RHOJ: variants seen among roughly 807,000 people sequenced by gnomAD.
RHOJ encodes the protein rho-related GTP-binding protein RhoJ.
A neutral mutation model predicts 23.4 loss-of-function variants in RHOJ; 11 were observed. The observed-to-expected ratio is 0.47, with a 90% CI of 0.30 to 0.78. The LOEUF is 0.78. Ranked by LOEUF, RHOJ falls within the 30% of genes least tolerant of loss-of-function variation. The probability of loss-of-function intolerance (pLI) is 0.08; values close to 1 mark genes in which losing one functional copy is unlikely to be tolerated. For synonymous variants in RHOJ, 102 were observed against 102.7 expected, an observed-to-expected ratio of 0.99 and a Z score of 0.04; for missense variants, 254 against 273.4, an observed-to-expected ratio of 0.93 and a Z score of 0.50.
At chr14:63,284,231 C>T (rs1325433305) in intron 4 of RHOJ, 1 of 985,166 alleles carries the variant, frequency 1.0e-6, no homozygotes, top group African/African-American at 1.7e-5. Context: ...GCATGATACA[C>T]TCAACTAGAA....
chr14:63,288,564 A>G (rs1211588791), intron 4 of RHOJ, among the ~76,000 whole-genome samples: 1 of 152,246 alleles, frequency 6.6e-6, no homozygotes, highest in Non-Finnish European at 1.5e-5. Flanking sequence ...CCAAAATGCA[A>G]TAGAAGGCAT....
chr14:63,219,939 G>A (rs776063907), intron 1 of RHOJ, among the ~76,000 whole-genome samples: 1 of 152,090 alleles, frequency 6.6e-6, no homozygotes, highest in African/African-American at 2.4e-5. Flanking sequence ...TTAACGAGCA[G>A]CTCCTGATAA....
At chr14:63,287,154 C>T (rs1052282888) in intron 4 of RHOJ, among the ~76,000 whole-genome samples, 2 of 152,214 alleles carry the variant, frequency 1.3e-5, no homozygotes, top group African/African-American at 4.8e-5. Flanking sequence ...TCCGTAACAG[C>T]TTTGCCCATT....
intron 1 of RHOJ, among the ~76,000 whole-genome samples, chr14:63,265,361 A>G (rs556511275): frequency 6.6e-6 from 1 of 152,130 alleles, no homozygotes; most frequent in East Asian, 1.9e-4. Context: ...TGGGTTCTCT[A>G]TTTTGTTCCA....
At chr14:63,240,410 G>C (rs888136971) in intron 1 of RHOJ, among the ~76,000 whole-genome samples, 5 of 152,090 alleles carry the variant, frequency 3.3e-5, no homozygotes, top group African/African-American at 1.2e-4. Flanking sequence ...CATTTCTTTA[G>C]GAATTATAGC....
In RHOJ at chr14:63,204,575, C is replaced by T; in HGVS notation, c.-295C>T. 2.4e-6 allele frequency: 1 copy of T among 420,504 alleles called. No homozygotes were observed. Among genetic ancestry groups the T allele is most frequent in the Non-Finnish European group, 4.3e-6 (1 of 233,296 alleles). The allele number at this position is 420,504 out of a possible 1,614,324, so 26.0% of individuals were successfully genotyped here. ...TAAAACCCTCAGGCTGCTGAAATTT[C>T]TAGGCTGTTAGGAAGCCCCTCGAAT... On this transcript the variant is annotated 5_prime_UTR_variant, in exon 1 of 5. Coordinates refer to ENST00000316754, the MANE Select transcript of RHOJ (RefSeq NM_020663.5).
At chr14:63,241,251 G>GACC (rs1482556462) in intron 1 of RHOJ, among the ~76,000 whole-genome samples, 17 of 152,162 alleles carry the variant, frequency 1.1e-4, no homozygotes, top group Admixed American at 1.0e-3. Context: ...CATCCTAAAT[G>GACC]TATTGACCAT....
chr14:63,247,048 C>G (rs1347223076), intron 1 of RHOJ, among the ~76,000 whole-genome samples: 1 of 152,136 alleles, frequency 6.6e-6, no homozygotes, highest in Non-Finnish European at 1.5e-5. Flanking sequence ...GGATTCAGAA[C>G]AAGTCTGGAA....
At chr14:63,206,485 T>G (rs1391075971) in intron 1 of RHOJ, among the ~76,000 whole-genome samples, 1 of 152,204 alleles carries the variant, frequency 6.6e-6, no homozygotes, top group Non-Finnish European at 1.5e-5. Context: ...TAGCAAAAGT[T>G]ATTTACTCTA....
intron 1 of RHOJ, among the ~76,000 whole-genome samples, chr14:63,213,721 G>T (rs1299610733): frequency 6.6e-6 from 1 of 152,176 alleles, no homozygotes; most frequent in Non-Finnish European, 1.5e-5. Flanking sequence ...CTTCAGGTTG[G>T]TGAGATAGTT....
chr14:63,252,520 C>T (rs1895090305), intron 1 of RHOJ, among the ~76,000 whole-genome samples: 1 of 152,140 alleles, frequency 6.6e-6, no homozygotes, highest in African/African-American at 2.4e-5. Context: ...GAAAAAGTAG[C>T]CCAGGGATAT....
At chr14:63,259,624 A>T (rs1167632289) in intron 1 of RHOJ, among the ~76,000 whole-genome samples, 1 of 152,242 alleles carries the variant, frequency 6.6e-6, no homozygotes, top group Non-Finnish European at 1.5e-5. Context: ...TAACAGTGAA[A>T]GATGGTCTTG....
rs527471223 is a variant in RHOJ at position 63,243,391 on chromosome 14, G to A, written c.179-25719G>A. Among the ~76,000 whole-genome samples the A allele has an allele frequency of 1.5e-4, 23 of 152,304 alleles. 1 individual carries two copies. Among genetic ancestry groups the A allele is most frequent in the African/African-American group, 5.1e-4 (21 of 41,568 alleles). ...CTCTTGCTCTGTCACCCAGGCTGGA[G>A]TACAGTGGCGTGATCTCAGCTCACT... On this transcript the variant is annotated intron_variant, in intron 1 of 4. Transcript: ENST00000316754.
chr14:63,207,268 G>T (rs1894133312), intron 1 of RHOJ, among the ~76,000 whole-genome samples: 1 of 152,044 alleles, frequency 6.6e-6, no homozygotes, highest in Non-Finnish European at 1.5e-5. Context: ...CTTACCTCGT[G>T]TTCTGCCTGC....
chr14:63,270,365 C>T (rs1174878455), intron 2 of RHOJ, among the ~76,000 whole-genome samples: 3 of 152,118 alleles, frequency 2.0e-5, no homozygotes, highest in Non-Finnish European at 4.4e-5. Context: ...GAAAATCTAG[C>T]ACCAGACTCA....
intron 1 of RHOJ, among the ~76,000 whole-genome samples, chr14:63,221,258 A>G (rs1479989102): frequency 6.6e-6 from 1 of 152,146 alleles, no homozygotes. Flanking sequence ...TGACCCCAGG[A>G]GATCGAGGCT....
chr14:63,277,046 G>C (rs564354145), intron 2 of RHOJ, among the ~76,000 whole-genome samples: 34 of 152,322 alleles, frequency 2.2e-4, no homozygotes, highest in Non-Finnish European at 4.4e-4. Context: ...AAGATTCCTA[G>C]ATAAGTGAGT....
At chr14:63,259,100 T>A (rs1408691436) in intron 1 of RHOJ, among the ~76,000 whole-genome samples, 1 of 152,182 alleles carries the variant, frequency 6.6e-6, no homozygotes, top group East Asian at 1.9e-4. Context: ...CCACCACGCC[T>A]GGCTAATTTT....
chr14:63,244,728 A>T (rs1894945899), intron 1 of RHOJ, among the ~76,000 whole-genome samples: 1 of 152,256 alleles, frequency 6.6e-6, no homozygotes. Flanking sequence ...ATAACACAAA[A>T]GTATTAAGAT....
Sources: allele counts gnomAD v4.1 joint callset (sites outside exome capture counted in the v4.1 genomes callset), GRCh38; gene constraint gnomAD v4.1.1; transcripts MANE v1.5; gene names NCBI Gene and HGNC (gene_info 2026-07-23, HGNC 2026-07-21).